The following HUWE1 variants were observed in gnomAD, a reference collection of about 807,000 sequenced individuals.
HUWE1 encodes the protein HECT, UBA and WWE domain containing E3 ubiquitin protein ligase 1, also known as E3 ubiquitin-protein ligase HUWE1.
Under a neutral mutation model 299.4 loss-of-function variants are expected in HUWE1, and 18 were observed. That is an observed-to-expected ratio of 0.06 (90% CI 0.04 to 0.09). The LOEUF (loss-of-function observed/expected upper bound fraction) is 0.09, where lower values mean the gene tolerates loss of function less well. Among genes scored for constraint, HUWE1 ranks in the 10% least tolerant of loss-of-function variants. The pLI is 1.00. For missense variants in HUWE1, 1,832 were observed against 3,462.3 expected (o/e 0.53, Z 11.82); for synonymous variants, 1,317 against 1,286.1 (o/e 1.02, Z -0.51).
chrX:53,571,670 T>C (rs942770719), intron 47 of HUWE1, among the ~76,000 whole-genome samples: 10 of 110,896 alleles, frequency 9.0e-5, no homozygotes, highest in African/African-American at 2.6e-4. Flanking sequence ...AATAGGAAAA[T>C]AGAGTAAAAG....
In HUWE1 at chrX:53,552,431, C is replaced by T. The variant is rs781968713; in HGVS notation, c.8761G>A (p.Ala2921Thr). Reference sequence around the variant, plus strand: ...CTGGTGGAAGAGCTCTCAGAGGATGCAGGTGGGGAGCTGAGGGAAATCATG... The same window carrying T: ...CTGGTGGAAGAGCTCTCAGAGGATGTAGGTGGGGAGCTGAGGGAAATCATG... ...AQPPEDSSPP[A>T]SSESSSTRDS... The change falls in exon 63 of 84, where the codon GCA (alanine) becomes ACA (threonine). Residue 2921 changes from alanine (A) to threonine (T), a missense_variant. By Grantham distance (58) the Ala-to-Thr change is moderately conservative. Coordinates refer to ENST00000262854, the MANE Select transcript of HUWE1 (RefSeq NM_031407.7). The T allele has an allele frequency of 3.3e-6, 4 of 1,210,754 alleles. No individual in the cohort carries two copies. In the South Asian group the frequency reaches 7.0e-5, roughly 21 times the overall value.
intron 77 of HUWE1, 26 bp downstream of exon 77, chrX:53,538,311 T>C (rs1556914980): frequency 3.8e-6 from 4 of 1,050,440 alleles, no homozygotes. Context: ...ACCACCCCTC[T>C]ACCCCCCAAT....
chrX:53,553,437 C>G (rs2061857272), intron 61 of HUWE1, among the ~76,000 whole-genome samples: 1 of 107,693 alleles, frequency 9.3e-6, no homozygotes, highest in Non-Finnish European at 1.9e-5. Flanking sequence ...CCACCGCGCC[C>G]AGCCCGGGTA....
In HUWE1 at chrX:53,562,230, G is replaced by A. The variant is rs2062327258; in HGVS notation, c.7219C>T (p.Leu2407=). 8.3e-7 allele frequency: 1 copy of A among 1,206,120 alleles called. No homozygotes were observed. The highest frequency in any genetic ancestry group is 1.1e-6 in the Non-Finnish European group (1 of 892,270). The part of the protein sequence containing the change: ...QANREDSMNI[L]DPEDEEEHTQ... ...TGCTCCTCCTCATCCTCAGGGTCCA[G>A]GATATTCATGGAATCTAAAACAAAG... The change falls in exon 54 of 84, where the codon CTG becomes TTG. Residue 2407 remains leucine (L), a synonymous_variant. Transcript: ENST00000262854.
chrX:53,628,635 G>A lies in HUWE1; in HGVS notation c.1115-15C>T. The A allele has an allele frequency of 8.4e-7, 1 of 1,185,345 alleles. No individual in the cohort carries two copies. The highest frequency in any genetic ancestry group is 1.1e-6 in the Non-Finnish European group (1 of 881,491). On this transcript the variant is annotated splice_polypyrimidine_tract_variant and intron_variant, in intron 14 of 83. Coordinates refer to ENST00000262854, the MANE Select transcript of HUWE1 (RefSeq NM_031407.7). ...CATGGAAGGATCTACAAGGGAGGTG[G>A]GGAGAGGGAGAACAAAAACAAGCTC...
intron 43 of HUWE1, among the ~76,000 whole-genome samples, chrX:53,579,033 G>C (rs1341053238): frequency 1.3e-5 from 1 of 77,711 alleles, no homozygotes; most frequent in Non-Finnish European, 2.5e-5. Flanking sequence ...GGGAGGCGGG[G>C]GGGGGGGTCG....
chrX:53,556,578 T>G (rs2062028894), intron 60 of HUWE1, among the ~76,000 whole-genome samples: 1 of 111,525 alleles, frequency 9.0e-6, no homozygotes, highest in Admixed American at 9.5e-5. Flanking sequence ...ATGAACCAAC[T>G]GATAGAATCA....
intron 18 of HUWE1, 151 bp from the exon 19 acceptor site, chrX:53,624,826 A>G (rs2066378633): frequency 2.0e-6 from 1 of 490,161 alleles, no homozygotes; most frequent in Non-Finnish European, 3.6e-6. Flanking sequence ...GTCTCCTCCT[A>G]TTTTATTATT....
At chrX:53,658,926 C>T (rs1370100931) in intron 3 of HUWE1, among the ~76,000 whole-genome samples, 1 of 112,756 alleles carries the variant, frequency 8.9e-6, no homozygotes, top group African/African-American at 3.2e-5. Flanking sequence ...ATACACCTCA[C>T]CACAGACAGA....
intron 43 of HUWE1, among the ~76,000 whole-genome samples, chrX:53,578,695 G>A (rs1359970722): frequency 1.7e-4 from 13 of 75,777 alleles, no homozygotes; most frequent in East Asian, 9.2e-4. Flanking sequence ...TCAGCCCCCC[G>A]CCTGGCCAGC....
chrX:53,539,210 G>T, intron 75 of HUWE1, 130 bp from the exon 76 acceptor site: 2 of 731,351 alleles, frequency 2.7e-6, no homozygotes, highest in Non-Finnish European at 4.0e-6. Context: ...GCTAGGTGTG[G>T]TGGCTCACAC....
chrX:53,614,796 G>C, intron 22 of HUWE1, 51 bp from the exon 23 acceptor site: 3 of 867,979 alleles, frequency 3.5e-6, no homozygotes, highest in Non-Finnish European at 5.0e-6. Flanking sequence ...GGAATGGGGA[G>C]GAGGAGACAG....
chrX:53,535,943 T>A (rs1052936367), intron 80 of HUWE1: 20 of 296,581 alleles, frequency 6.7e-5, no homozygotes, highest in African/African-American at 1.7e-4. Flanking sequence ...TTTTTTTTTT[T>A]AATAAAGGTG....
At chrX:53,664,740 G>C (rs1333650443) in intron 3 of HUWE1, among the ~76,000 whole-genome samples, 3 of 111,638 alleles carry the variant, frequency 2.7e-5, no homozygotes, top group African/African-American at 9.8e-5. Flanking sequence ...AAATTCAGGT[G>C]AGAGCTGCCC....
intron 81 of HUWE1, among the ~76,000 whole-genome samples, chrX:53,535,141 G>T (rs181542067): frequency 1.8e-5 from 2 of 110,588 alleles, no homozygotes; most frequent in East Asian, 2.9e-4. Flanking sequence ...CACCATGTTG[G>T]CCAGGCTGGT....
Position 53,620,410 on chromosome X carries a change from T to C in HUWE1, c.1673-2964A>G, listed in dbSNP as rs1380317761. 3.6e-5 allele frequency among the ~76,000 whole-genome samples: 4 copies of C among 110,488 alleles called. No homozygotes were observed. In the South Asian group the frequency reaches 1.6e-3, roughly 44 times the overall value. ...AGCGCACCAGCATGCCCTGCAAACA[T>C]TTTTATTTGTTGTAGAGACAGGATT... On this transcript the variant is annotated intron_variant, in intron 19 of 83. Transcript: ENST00000262854.
At position 53,533,283 on chromosome X, in the gene HUWE1, A is replaced by C. The variant is rs782555188; in HGVS notation, c.*26T>G. On this transcript the variant is annotated 3_prime_UTR_variant, in exon 84 of 84. Coordinates refer to ENST00000262854, the MANE Select transcript of HUWE1 (RefSeq NM_031407.7). ...CCCAGGTCCAACAATGGTAAAAAAA[A>C]CCCCACGGAGTTGGGCAGGGCCTTA... The C allele has an allele frequency of 2.9e-6, 3 of 1,041,962 alleles. No individual in the cohort carries two copies. Among genetic ancestry groups the C allele is most frequent in the South Asian group, 3.9e-5 (2 of 51,488 alleles). The allele number at this position is 1,041,962 out of a possible 1,213,427, so 85.9% of individuals were successfully genotyped here. A position where few individuals can be genotyped will look rare whatever the true frequency, so the allele number is the denominator to read the frequency against.
At chrX:53,618,481 G>A (rs782671891) in intron 19 of HUWE1, among the ~76,000 whole-genome samples, 2 of 110,076 alleles carry the variant, frequency 1.8e-5, no homozygotes, top group South Asian at 7.6e-4. Flanking sequence ...GCCAACAAGT[G>A]AAATGTATAG....
At chrX:53,680,814 C>T (rs782197758) in intron 2 of HUWE1, 1 of 112,182 alleles carries the variant, frequency 8.9e-6, no homozygotes, top group Non-Finnish European at 1.9e-5. Flanking sequence ...GCTTAACCCA[C>T]GGTAAAATGC....
Sources: gnomAD v4.1 joint callset for allele counts (sites outside exome capture counted in the v4.1 genomes callset) on GRCh38, gnomAD v4.1.1 for gene constraint, MANE v1.5 for transcripts, NCBI Gene and HGNC (gene_info 2026-07-23, HGNC 2026-07-21) for gene names.